The following STPG2 variants were observed in gnomAD, a reference collection of about 807,000 sequenced individuals.
STPG2 encodes the protein sperm tail PG-rich repeat containing 2.
Under a neutral mutation model 54.2 loss-of-function variants are expected in STPG2, and 56 were observed. That is an observed-to-expected ratio of 1.03 (90% confidence interval 0.83 to 1.29). The LOEUF (loss-of-function observed/expected upper bound fraction) is 1.29. Ranked by LOEUF, STPG2 falls within the 50% of genes most tolerant of loss-of-function variation. The pLI, the probability that STPG2 is intolerant of heterozygous loss-of-function variation, is 0.00. For synonymous variants in STPG2, 200 were observed against 181.8 expected, an observed-to-expected ratio of 1.10 and a Z score of -0.81; for missense variants, 596 against 544.9, an observed-to-expected ratio of 1.09 and a Z score of -0.93.
intron 4 of STPG2, among the ~76,000 whole-genome samples, chr4:97,489,319 G>C (rs1730447228): frequency 6.6e-6 from 1 of 151,732 alleles, no homozygotes; most frequent in African/African-American, 2.4e-5. Flanking sequence ...TAGACAGAGA[G>C]ACAGATAAAT....
At position 98,010,385 on chromosome 4, in the gene STPG2, T is replaced by C. The variant is rs531575386; in HGVS notation, c.613-29067A>G. On this transcript the variant is annotated intron_variant, in intron 5 of 10. Coordinates refer to ENST00000295268, the MANE Select transcript of STPG2 (RefSeq NM_174952.3). ...TATCATTATATAATGACCTTCTTTGTCTCTTGTGACAGTTTTTTACTTAAT... is the reference window on the plus strand; with the variant it reads ...TATCATTATATAATGACCTTCTTTGCCTCTTGTGACAGTTTTTTACTTAAT... Among the ~76,000 whole-genome samples, 5 of 152,256 alleles carry C rather than the reference T, an allele frequency of 3.3e-5. No homozygotes were observed. In the South Asian group the frequency reaches 8.3e-4, roughly 25 times the overall value.
chr4:97,783,285 C>G (rs964611236), intron 9 of STPG2, among the ~76,000 whole-genome samples: 16 of 152,118 alleles, frequency 1.1e-4, no homozygotes, highest in African/African-American at 3.9e-4. Context: ...AGCCACTTCT[C>G]AAAGAAGACA....
At chr4:97,923,340 C>T (rs1374018967) in intron 8 of STPG2, among the ~76,000 whole-genome samples, 5 of 151,868 alleles carry the variant, frequency 3.3e-5, no homozygotes, top group Non-Finnish European at 4.4e-5. Context: ...CCCACCTCCC[C>T]GACAAGTGCC....
chr4:97,500,599 G>T (rs1163313010), intron 4 of STPG2, among the ~76,000 whole-genome samples: 1 of 152,044 alleles, frequency 6.6e-6, no homozygotes, highest in Non-Finnish European at 1.5e-5. Context: ...GCTTTAATAA[G>T]TTAAGAAGAT....
At chr4:97,630,867 G>C (rs1341383242) in intron 10 of STPG2, among the ~76,000 whole-genome samples, 3 of 151,562 alleles carry the variant, frequency 2.0e-5, no homozygotes, top group African/African-American at 4.8e-5. Context: ...AATTTCTCCA[G>C]TTAATAGACT....
chr4:97,889,580 G>T (rs934510071), intron 8 of STPG2, among the ~76,000 whole-genome samples: 4 of 152,184 alleles, frequency 2.6e-5, no homozygotes, highest in Admixed American at 6.5e-5. Flanking sequence ...TACAAATACT[G>T]CATGATCTCA....
chr4:98,011,867 C>G (rs1391580935), intron 5 of STPG2, among the ~76,000 whole-genome samples: 1 of 152,142 alleles, frequency 6.6e-6, no homozygotes, highest in Non-Finnish European at 1.5e-5. Context: ...AGACCTTTGT[C>G]AGATGGGTAG....
chr4:97,964,453 G>T (rs1297342480), intron 7 of STPG2, among the ~76,000 whole-genome samples: 1 of 151,996 alleles, frequency 6.6e-6, no homozygotes, highest in Non-Finnish European at 1.5e-5. Flanking sequence ...ACAGAGAATT[G>T]TCTCTTAATG....
downstream of STPG2, chr4:97,558,852 C>T (rs1732145958): frequency 2.8e-5 from 15 of 526,780 alleles, no homozygotes; most frequent in East Asian, 5.1e-4. Context: ...ATAAATAATA[C>T]AATATGACTT....
intron 1 of STPG2, among the ~76,000 whole-genome samples, chr4:98,134,926 A>G (rs1403787538): frequency 1.3e-5 from 2 of 151,842 alleles, no homozygotes; most frequent in African/African-American, 4.8e-5. Flanking sequence ...CTCCTTGCCT[A>G]GGCACATAGT....
chr4:97,808,700 A>G (rs985644898), intron 9 of STPG2, among the ~76,000 whole-genome samples: 6 of 150,264 alleles, frequency 4.0e-5, no homozygotes, highest in Non-Finnish European at 8.9e-5. Context: ...CAAAAACCAA[A>G]AAAAAAACCC....
At chr4:97,906,125 T>A (rs562697245) in intron 8 of STPG2, among the ~76,000 whole-genome samples, 1 of 151,682 alleles carries the variant, frequency 6.6e-6, no homozygotes, top group Non-Finnish European at 1.5e-5. Context: ...CTAGCAAGAC[T>A]AATAAGGAAA....
At chr4:97,502,318 A>G (rs1206675297) in intron 4 of STPG2, among the ~76,000 whole-genome samples, 1 of 151,990 alleles carries the variant, frequency 6.6e-6, no homozygotes, top group Non-Finnish European at 1.5e-5. Flanking sequence ...AGGCAGAAAA[A>G]ACAAGTCAAC....
At chr4:98,034,934 T>C (rs1185989470) in intron 5 of STPG2, among the ~76,000 whole-genome samples, 1 of 152,152 alleles carries the variant, frequency 6.6e-6, no homozygotes, top group Non-Finnish European at 1.5e-5. Flanking sequence ...TTACACCTTA[T>C]ACAAAAATTA....
intron 9 of STPG2, among the ~76,000 whole-genome samples, chr4:97,715,169 C>CA (rs1386761165): frequency 9.9e-5 from 15 of 152,134 alleles, no homozygotes; most frequent in Admixed American, 9.8e-4. Flanking sequence ...AATACATTTT[C>CA]AATTACATAT....
In STPG2 at chr4:97,657,482, G is replaced by C. The variant is rs188990835; in HGVS notation, c.1320+55217C>G. Reference sequence around the variant, plus strand: ...ATTTTATTTAGAAGTTTACTAGCTTGATGTATAACTTTAAAATATTTAGAA... The same window carrying C: ...ATTTTATTTAGAAGTTTACTAGCTTCATGTATAACTTTAAAATATTTAGAA... On this transcript the variant is annotated intron_variant, in intron 10 of 10. Transcript: ENST00000295268. Among the ~76,000 whole-genome samples, 3 of 152,204 alleles carry C rather than the reference G, an allele frequency of 2.0e-5. No homozygotes were observed. In the East Asian group the frequency reaches 5.8e-4, roughly 29 times the overall value.
At chr4:97,527,315 C>A (rs1445223236) in intron 4 of STPG2, among the ~76,000 whole-genome samples, 1 of 152,148 alleles carries the variant, frequency 6.6e-6, no homozygotes, top group Non-Finnish European at 1.5e-5. Context: ...CATGTCCCTG[C>A]AAAGGACATG....
intron 5 of STPG2, among the ~76,000 whole-genome samples, chr4:98,002,756 G>A (rs1735450927): frequency 6.6e-6 from 1 of 151,912 alleles, no homozygotes; most frequent in Non-Finnish European, 1.5e-5. Context: ...GAAGATGAAG[G>A]AAATTCTTTG....
intron 10 of STPG2, among the ~76,000 whole-genome samples, chr4:97,642,983 G>C (rs148697782): frequency 1.0e-3 from 152 of 151,522 alleles, no homozygotes; most frequent in Middle Eastern, 3.4e-3. Context: ...AAAATGCCTA[G>C]ACCAGAATAC....
Sources: allele counts gnomAD v4.1 joint callset (sites outside exome capture counted in the v4.1 genomes callset), GRCh38; gene constraint gnomAD v4.1.1; transcripts MANE v1.5; gene names NCBI Gene and HGNC (gene_info 2026-07-23, HGNC 2026-07-21).